Variants in ACER3 observed in about 807,000 individuals in gnomAD.
ACER3 encodes the protein alkaline ceramidase 3, also known as alkCDase 3.
ACER3 carries 16 observed loss-of-function variants against 48.9 expected under a neutral mutation model. The observed-to-expected ratio is 0.33, with a 90% CI of 0.22 to 0.50. The LOEUF (loss-of-function observed/expected upper bound fraction) is 0.50. ACER3 is among the 20% of genes least tolerant of loss of function. The pLI, the probability that ACER3 is intolerant of heterozygous loss-of-function variation, is 0.98. For missense variants in ACER3, 227 were observed against 326.0 expected, an observed-to-expected ratio of 0.70 and a Z score of 2.34; for synonymous variants, 109 against 107.8, an observed-to-expected ratio of 1.01 and a Z score of -0.07.
chr11:76,929,967 G>T (rs1397765224), intron 2 of ACER3, among the ~76,000 whole-genome samples: 12 of 151,626 alleles, frequency 7.9e-5, no homozygotes, highest in Non-Finnish European at 1.6e-4. Context: ...TTGGTATTAG[G>T]ATGAGGCTGG....
chr11:76,960,772 G>A (rs1202280144), intron 3 of ACER3, among the ~76,000 whole-genome samples: 1 of 152,136 alleles, frequency 6.6e-6, no homozygotes, highest in Non-Finnish European at 1.5e-5. Context: ...AGGCAGCCCA[G>A]GGACAGTGTA....
chr11:76,902,391 A>G (rs1021214607), intron 1 of ACER3, among the ~76,000 whole-genome samples: 1 of 152,190 alleles, frequency 6.6e-6, no homozygotes, highest in Non-Finnish European at 1.5e-5. Context: ...ATTTCAATAC[A>G]AGATAAAAAG....
intron 1 of ACER3, among the ~76,000 whole-genome samples, chr11:76,901,530 C>CA (rs945319445): frequency 6.6e-6 from 1 of 152,134 alleles, no homozygotes; most frequent in Non-Finnish European, 1.5e-5. Flanking sequence ...GAGCCACAGA[C>CA]AAAACTCCTC....
intron 1 of ACER3, among the ~76,000 whole-genome samples, chr11:76,889,616 G>A (rs1347557547): frequency 2.0e-5 from 3 of 152,018 alleles, no homozygotes; most frequent in African/African-American, 7.3e-5. Context: ...CTCTCTAATG[G>A]CCTTTCTAAA....
At position 76,928,030 on chromosome 11, in the gene ACER3, C is replaced by T. The variant is rs1355911487; in HGVS notation, c.214+1363C>T. On this transcript the variant is annotated intron_variant, in intron 2 of 10. Transcript: ENST00000532485. The stretch of plus-strand genomic sequence containing the variant: ...TTCTAGTTCTAGATCCTCAAGGAAT[C>T]GCCACACTGTCTTCCACCATGGTTG... Among the ~76,000 whole-genome samples the T allele has an allele frequency of 5.3e-5, 8 of 152,242 alleles. No homozygotes were observed. The East Asian group carries it at 1.4e-3, about 26-fold the overall frequency.
chr11:76,972,989 T>C (rs1194423007), intron 3 of ACER3, among the ~76,000 whole-genome samples: 2 of 152,252 alleles, frequency 1.3e-5, no homozygotes, highest in African/African-American at 2.4e-5. Flanking sequence ...ATCTGTGGAC[T>C]TCTGGGCTTC....
intron 9 of ACER3, among the ~76,000 whole-genome samples, chr11:77,019,155 G>T (rs990834760): frequency 6.6e-6 from 1 of 152,118 alleles, no homozygotes. Context: ...AAGTCCTATG[G>T]CCCTTAAGAA....
chr11:76,955,293 T>C (rs138304951), intron 2 of ACER3: 1 of 152,370 alleles, frequency 6.6e-6, no homozygotes, highest in East Asian at 1.9e-4. Context: ...TAAAAACTTG[T>C]ATATGAGTGT....
Position 76,873,036 on chromosome 11 carries a change from C to G in ACER3, c.103+11957C>G, listed in dbSNP as rs1009968255. Reference sequence around the variant, plus strand: ...AAGGGATCCTCCTGCCTCAGACTCCCGAATAGCTAGCACTACAAGTGTCTG... The same window carrying G: ...AAGGGATCCTCCTGCCTCAGACTCCGGAATAGCTAGCACTACAAGTGTCTG... On this transcript the variant is annotated intron_variant, in intron 1 of 10. Transcript: ENST00000532485. 1.2e-4 allele frequency among the ~76,000 whole-genome samples: 18 copies of G among 151,376 alleles called. No homozygotes were observed. In the South Asian group the frequency reaches 3.6e-3, roughly 30 times the overall value.
chr11:76,968,829 C>T (rs956502932), intron 3 of ACER3, among the ~76,000 whole-genome samples: 1 of 152,192 alleles, frequency 6.6e-6, no homozygotes, highest in African/African-American at 2.4e-5. Flanking sequence ...AGACCTAAAA[C>T]TATAAAAACC....
chr11:76,989,383 G>T (rs1480783426), intron 5 of ACER3, among the ~76,000 whole-genome samples: 1 of 151,688 alleles, frequency 6.6e-6, no homozygotes, highest in Non-Finnish European at 1.5e-5. Context: ...TAATATCAAA[G>T]ATATTATAGT....
chr11:76,974,691 G>C (rs61900120), intron 3 of ACER3, among the ~76,000 whole-genome samples: 60,529 of 151,908 alleles, frequency 0.4, 14,760 homozygotes, highest in Non-Finnish European at 0.56. Context: ...GGAAAGAAAC[G>C]TGAAGAACTG....
chr11:76,945,784 G>A (rs994803373), intron 2 of ACER3, among the ~76,000 whole-genome samples: 2 of 152,192 alleles, frequency 1.3e-5, no homozygotes, highest in Admixed American at 1.3e-4. Flanking sequence ...ATGGGTAATG[G>A]CAATAGTGGT....
chr11:76,984,357 T>G (rs780242112), intron 4 of ACER3, among the ~76,000 whole-genome samples: 1 of 152,188 alleles, frequency 6.6e-6, no homozygotes, highest in African/African-American at 2.4e-5. Context: ...AGTTTAAAAG[T>G]AAAAACTAAT....
intron 6 of ACER3, among the ~76,000 whole-genome samples, chr11:76,992,018 A>T (rs1379703071): frequency 6.6e-6 from 1 of 151,880 alleles, no homozygotes; most frequent in African/African-American, 2.4e-5. Flanking sequence ...GCTTGAAGCC[A>T]GGAGTTCGAG....
rs7128038 is a variant in ACER3 at position 77,023,285 on chromosome 11, A to G, written c.*2958A>G. On this transcript the variant is annotated 3_prime_UTR_variant, in exon 11 of 11. Coordinates refer to ENST00000532485, the MANE Select transcript of ACER3 (RefSeq NM_018367.7). Reference sequence around the variant, plus strand: ...CAAAATTTCAGGACAGTTAATTTGGACTTCCCTTACCCTAAGAGGGTTTTT... The same window carrying G: ...CAAAATTTCAGGACAGTTAATTTGGGCTTCCCTTACCCTAAGAGGGTTTTT... 299,451 of 396,912 alleles carry G rather than the reference A, an allele frequency of 0.75. 113,599 individuals are homozygous for G. The highest frequency in any genetic ancestry group is 0.81 in the African/African-American group (39,277 of 48,654). 24.6% of individuals were successfully genotyped at this position (396,912 alleles called of 1,614,324 possible).
chr11:76,924,865 A>G (rs2134801827), intron 1 of ACER3, among the ~76,000 whole-genome samples: 1 of 151,250 alleles, frequency 6.6e-6, no homozygotes, highest in East Asian at 2.0e-4. Context: ...GTTCCCAGCT[A>G]CTCAGGAGGC....
chr11:76,898,955 C>T (rs1175418396), intron 1 of ACER3, among the ~76,000 whole-genome samples: 1 of 148,918 alleles, frequency 6.7e-6, no homozygotes, highest in Non-Finnish European at 1.5e-5. Context: ...ATCTTCCTAC[C>T]ACCAGAGGAA....
chr11:77,016,619 G>A (rs574095780), intron 8 of ACER3, 56 bp from the exon 9 acceptor site: 13 of 916,346 alleles, frequency 1.4e-5, no homozygotes, highest in Middle Eastern at 2.2e-4. Context: ...GACTATCAGC[G>A]TTAGTCGCTA....
Sources: allele counts gnomAD v4.1 joint callset (sites outside exome capture counted in the v4.1 genomes callset), GRCh38; gene constraint gnomAD v4.1.1; transcripts MANE v1.5; gene names NCBI Gene and HGNC (gene_info 2026-07-23, HGNC 2026-07-21).